NUS1: variants seen among roughly 807,000 people sequenced by gnomAD.
The protein encoded by NUS1 is dehydrodolichyl diphosphate synthase complex subunit NUS1.
For synonymous variants in NUS1, 135 were observed against 155.2 expected, an observed-to-expected ratio of 0.87 and a Z score of 0.97; for missense variants, 292 against 382.9, an observed-to-expected ratio of 0.76 and a Z score of 1.98.
At position 117,685,180 on chromosome 6, in the gene NUS1, C is replaced by G. The variant is rs117872800; in HGVS notation, c.416-7862C>G. On this transcript the variant is annotated intron_variant, in intron 1 of 4. Transcript: ENST00000368494. ...GCTGTTTATTAAGAAATAACAAAAG[C>G]ATGGTAGTCTTTCTGAGGTATAACT... Among the ~76,000 whole-genome samples, 56 of 152,312 alleles carry G rather than the reference C, an allele frequency of 3.7e-4. 1 individual carries two copies. The East Asian group carries it at 0.011, about 29-fold the overall frequency.
intron 3 of NUS1, among the ~76,000 whole-genome samples, chr6:117,702,509 G>T (rs1773425020): frequency 6.6e-6 from 1 of 151,970 alleles, no homozygotes; most frequent in Non-Finnish European, 1.5e-5. Flanking sequence ...GTCCGCCTTT[G>T]GTCAGTATCT....
chr6:117,703,748 T>C lies in NUS1; in HGVS notation c.791+44T>C, dbSNP rs1433319332. 2.2e-6 allele frequency: 3 copies of C among 1,372,620 alleles called. No individual in the cohort carries two copies. The African/African-American group carries it at 4.3e-5, about 20-fold the overall frequency. The allele number at this position is 1,372,620 out of a possible 1,614,324, so 85.0% of individuals were successfully genotyped here. A position where few individuals can be genotyped will look rare whatever the true frequency, so the allele number is the denominator to read the frequency against. On this transcript the variant is annotated intron_variant, in intron 4 of 4. Transcript: ENST00000368494. ...ACTGACTTTGTTTAGATTCAGCAAG[T>C]GTTTCTTGAGTTCAGCACTGTACTA...
chr6:117,680,203 C>G (rs915042714), intron 1 of NUS1, among the ~76,000 whole-genome samples: 1 of 152,164 alleles, frequency 6.6e-6, no homozygotes. Flanking sequence ...GTTGTTCTCT[C>G]AGGACAGTGA....
At chr6:117,702,670 T>G (rs1318746933) in intron 3 of NUS1, among the ~76,000 whole-genome samples, 1 of 152,192 alleles carries the variant, frequency 6.6e-6, no homozygotes, top group Non-Finnish European at 1.5e-5. Flanking sequence ...CAGGAATGTG[T>G]GTTCCTCTGC....
chr6:117,707,242 G>C lies in NUS1; in HGVS notation c.*227G>C. 1 of 442,282 alleles carries C rather than the reference G, an allele frequency of 2.3e-6. No homozygotes were observed. The highest frequency in any genetic ancestry group is 2.3e-5 in the South Asian group (1 of 42,874). 27.4% of individuals were successfully genotyped at this position (442,282 alleles called of 1,614,324 possible). ...GTATGGAAATAAACTTATAAATGGG[G>C]ACGTATTGGAGAAGGAAATACATAG... On this transcript the variant is annotated 3_prime_UTR_variant, in exon 5 of 5. Coordinates refer to ENST00000368494, the MANE Select transcript of NUS1 (RefSeq NM_138459.5).
At position 117,677,556 on chromosome 6, in the gene NUS1, C is replaced by G. The variant is rs985962984; in HGVS notation, c.415+1471C>G. Among the ~76,000 whole-genome samples the G allele has an allele frequency of 7.2e-5, 11 of 152,194 alleles. 1 individual carries two copies. The East Asian group carries it at 1.5e-3, about 21-fold the overall frequency. Reference sequence around the variant, plus strand: ...CTGTGTGCTCTAGAGAGGCATACATCTTTGTCAGATTGGTAAATTTAAGTG... The same window carrying G: ...CTGTGTGCTCTAGAGAGGCATACATGTTTGTCAGATTGGTAAATTTAAGTG... On this transcript the variant is annotated intron_variant, in intron 1 of 4. Transcript: ENST00000368494.
At chr6:117,683,644 AT>A (rs1451178412) in intron 1 of NUS1, among the ~76,000 whole-genome samples, 1 of 150,874 alleles carries the variant, frequency 6.6e-6, no homozygotes, top group African/African-American at 2.4e-5. Flanking sequence ...TGCTTATCTC[AT>A]TTTTTTCTCT....
chr6:117,708,601 G>A lies in NUS1; in HGVS notation c.*1586G>A, dbSNP rs2114697143. ...TGATTAAACTAAATTTTGGTCCAGT[G>A]ACATTACTTTGCACTGCATAATCCA... On this transcript the variant is annotated 3_prime_UTR_variant, in exon 5 of 5. Coordinates refer to ENST00000368494, the MANE Select transcript of NUS1 (RefSeq NM_138459.5). 1 of 151,612 alleles carries A rather than the reference G, an allele frequency of 6.6e-6. No individual in the cohort carries two copies. The allele number at this position is 151,612 out of a possible 1,614,324, so 9.4% of individuals were successfully genotyped here. A position where few individuals can be genotyped will look rare whatever the true frequency, so the allele number is the denominator to read the frequency against.
chr6:117,681,118 G>A (rs1369975784), intron 1 of NUS1, among the ~76,000 whole-genome samples: 3 of 151,976 alleles, frequency 2.0e-5, no homozygotes, highest in Non-Finnish European at 2.9e-5. Flanking sequence ...CATCTTTTCC[G>A]AGTCAATCCT....
At chr6:117,691,506 T>A (rs891490174) in intron 1 of NUS1, among the ~76,000 whole-genome samples, 2 of 149,928 alleles carry the variant, frequency 1.3e-5, no homozygotes, top group African/African-American at 4.9e-5. Flanking sequence ...CATATACTTC[T>A]GGCTTGGCAT....
chr6:117,701,856 T>A (rs370314614), intron 3 of NUS1, among the ~76,000 whole-genome samples: 20 of 149,868 alleles, frequency 1.3e-4, no homozygotes, highest in African/African-American at 3.4e-4. Context: ...GGTTTTTTTT[T>A]ATTTAATTTT....
chr6:117,685,947 G>A (rs1773131380), intron 1 of NUS1, among the ~76,000 whole-genome samples: 2 of 148,694 alleles, frequency 1.3e-5, no homozygotes. Flanking sequence ...GGGTGAGAGA[G>A]TGATACTCCG....
intron 3 of NUS1, among the ~76,000 whole-genome samples, chr6:117,700,145 A>T (rs748883241): frequency 6.6e-6 from 1 of 152,206 alleles, no homozygotes; most frequent in Non-Finnish European, 1.5e-5. Flanking sequence ...AACAAATGAG[A>T]TCACATCAAG....
At chr6:117,704,674 C>CT (rs1773476495) in intron 4 of NUS1, among the ~76,000 whole-genome samples, 1 of 152,142 alleles carries the variant, frequency 6.6e-6, no homozygotes, top group African/African-American at 2.4e-5. Flanking sequence ...AATTCTCTCT[C>CT]TCATGACAGG....
chr6:117,679,977 T>C (rs1168829197), intron 1 of NUS1, among the ~76,000 whole-genome samples: 1 of 152,210 alleles, frequency 6.6e-6, no homozygotes, highest in East Asian at 1.9e-4. Context: ...TTACATTTTA[T>C]TCTGTCCTAC....
intron 1 of NUS1, among the ~76,000 whole-genome samples, chr6:117,691,085 A>T (rs1475624853): frequency 2.0e-5 from 3 of 151,720 alleles, no homozygotes; most frequent in Non-Finnish European, 4.4e-5. Flanking sequence ...ATATTCTCTC[A>T]ATTCTTCCTT....
At chr6:117,704,775 CT>C (rs1447229602) in intron 4 of NUS1, among the ~76,000 whole-genome samples, 1 of 151,938 alleles carries the variant, frequency 6.6e-6, no homozygotes, top group African/African-American at 2.4e-5. Context: ...GCTTAAGTGA[CT>C]AAGTGATTAT....
In NUS1 at chr6:117,708,963, T is replaced by G. The variant is rs1221412536; in HGVS notation, c.*1948T>G. 1 of 152,182 alleles carries G rather than the reference T, an allele frequency of 6.6e-6. No individual in the cohort carries two copies. The highest frequency in any genetic ancestry group is 1.5e-5 in the Non-Finnish European group (1 of 68,002). 9.4% of individuals were successfully genotyped at this position (152,182 alleles called of 1,614,324 possible). ...CCAGTAAAGGTTTAATATTTGCATT[T>G]TCGTGCTTTTATTTTCTCCTTCCAT... On this transcript the variant is annotated 3_prime_UTR_variant, in exon 5 of 5. Transcript: ENST00000368494.
chr6:117,691,552 G>GATATAT (rs1236328961), intron 1 of NUS1, among the ~76,000 whole-genome samples: 380 of 37,494 alleles, frequency 0.01, 3 homozygotes, highest in South Asian at 0.023. Context: ...CTGTGCCATA[G>GATATAT]ATATAGATAT....
Sources: gnomAD v4.1 joint callset for allele counts (sites outside exome capture counted in the v4.1 genomes callset) on GRCh38, gnomAD v4.1.1 for gene constraint, MANE v1.5 for transcripts, NCBI Gene and HGNC (gene_info 2026-07-23, HGNC 2026-07-21) for gene names.